ZNF507: variants seen among roughly 807,000 people sequenced by gnomAD.
ZNF507 encodes the protein zinc finger protein 507.
A neutral mutation model predicts 80.0 loss-of-function variants in ZNF507; 29 were observed. That is an observed-to-expected ratio of 0.36 (90% CI 0.27 to 0.49). The LOEUF (loss-of-function observed/expected upper bound fraction) is 0.49. ZNF507 is among the 20% of genes least tolerant of loss of function. The probability of loss-of-function intolerance (pLI) is 0.98; values close to 1 mark genes in which losing one functional copy is unlikely to be tolerated. For missense variants in ZNF507, 1,081 were observed against 1,152.2 expected, an observed-to-expected ratio of 0.94 and a Z score of 0.90; for synonymous variants, 462 against 422.5, an observed-to-expected ratio of 1.09 and a Z score of -1.15.
chr19:32,356,561 T>C (rs942505624), intron 3 of ZNF507, 55 bp from the exon 4 acceptor site: 2 of 1,294,426 alleles, frequency 1.5e-6, no homozygotes, highest in Non-Finnish European at 2.2e-6. Context: ...TACAGCCTCC[T>C]AAGAGTTGGA....
rs890324969 is a variant in ZNF507 at position 32,386,531 on chromosome 19, G to A, written c.*3448G>A. 2 of 152,476 alleles carry A rather than the reference G, an allele frequency of 1.3e-5. No homozygotes were observed. The highest frequency in any genetic ancestry group is 4.8e-5 in the African/African-American group (2 of 41,396). 9.4% of individuals were successfully genotyped at this position (152,476 alleles called of 1,614,324 possible). ...GTAACACTATGGCATTGCTTCTATA[G>A]CCAAAGTATAAAAATTTCTGGAATA... is the stretch of plus-strand genomic sequence containing the variant. On this transcript the variant is annotated 3_prime_UTR_variant, in exon 7 of 7. Coordinates refer to ENST00000355898, the MANE Select transcript of ZNF507 (RefSeq NM_001136156.2).
At chr19:32,350,522 C>T (rs945288217) in intron 2 of ZNF507, among the ~76,000 whole-genome samples, 2 of 152,164 alleles carry the variant, frequency 1.3e-5, no homozygotes, top group Non-Finnish European at 2.9e-5. Context: ...AAGATGAACT[C>T]CTCCTTCTCT....
chr19:32,360,830 G>C (rs1484619829), intron 5 of ZNF507, among the ~76,000 whole-genome samples: 1 of 152,078 alleles, frequency 6.6e-6, no homozygotes, highest in Non-Finnish European at 1.5e-5. Flanking sequence ...GGAGTGCAGT[G>C]GTATGATCAC....
chr19:32,373,528 G>C (rs73565332), intron 5 of ZNF507, among the ~76,000 whole-genome samples: 4,914 of 152,280 alleles, frequency 0.032, 261 homozygotes, highest in African/African-American at 0.11. Flanking sequence ...CCTTTGGCAA[G>C]TGGTCAGTTG....
chr19:32,366,614 A>T (rs1489886274), intron 5 of ZNF507, among the ~76,000 whole-genome samples: 1 of 152,224 alleles, frequency 6.6e-6, no homozygotes, highest in Non-Finnish European at 1.5e-5. Context: ...CTGTGAATAG[A>T]CATTTGAGTT....
rs1568304459 is a variant in ZNF507 at position 32,356,779 on chromosome 19, C to T, written c.2245+46C>T. The T allele has an allele frequency of 2.8e-6, 4 of 1,432,396 alleles. No individual in the cohort carries two copies. In the Admixed American group the frequency reaches 6.7e-5, roughly 24 times the overall value. The allele number at this position is 1,432,396 out of a possible 1,614,324, so 88.7% of individuals were successfully genotyped here. ...GCAGGCTGCAGTGACTTGCACATGACATAAAAGTGCCCTTAGTTGTCATGG... is the reference window on the plus strand; with the variant it reads ...GCAGGCTGCAGTGACTTGCACATGATATAAAAGTGCCCTTAGTTGTCATGG... On this transcript the variant is annotated intron_variant, in intron 4 of 6. Coordinates refer to ENST00000355898, the MANE Select transcript of ZNF507 (RefSeq NM_001136156.2).
chr19:32,370,694 T>G (rs1352712883), intron 5 of ZNF507, among the ~76,000 whole-genome samples: 1 of 152,224 alleles, frequency 6.6e-6, no homozygotes, highest in East Asian at 1.9e-4. Context: ...ACTCTTTCAT[T>G]TTGTTGATTG....
At chr19:32,374,020 A>C (rs954732076) in intron 5 of ZNF507, among the ~76,000 whole-genome samples, 1 of 152,262 alleles carries the variant, frequency 6.6e-6, no homozygotes, top group Admixed American at 6.5e-5. Flanking sequence ...AAGAGCTGCC[A>C]GTGAAGTTTG....
intron 5 of ZNF507, among the ~76,000 whole-genome samples, chr19:32,368,168 A>G (rs1416451016): frequency 1.3e-5 from 2 of 152,200 alleles, no homozygotes; most frequent in African/African-American, 4.8e-5. Flanking sequence ...ACACCAAATC[A>G]GGGTGTGAAA....
At chr19:32,379,426 A>G (rs796452472) in intron 5 of ZNF507, among the ~76,000 whole-genome samples, 22 of 152,276 alleles carry the variant, frequency 1.4e-4, no homozygotes, top group African/African-American at 5.1e-4. Flanking sequence ...TAGGGGAACA[A>G]TTTTTTTAAA....
chr19:32,363,665 A>G (rs1453124339), intron 5 of ZNF507, among the ~76,000 whole-genome samples: 2 of 152,226 alleles, frequency 1.3e-5, no homozygotes, highest in Non-Finnish European at 2.9e-5. Context: ...AGCACATAAT[A>G]AACAGCCAGT....
intron 2 of ZNF507, among the ~76,000 whole-genome samples, chr19:32,351,533 CGG>C (rs368340292): frequency 5.9e-5 from 1 of 16,962 alleles, no homozygotes; most frequent in East Asian, 4.3e-3. Flanking sequence ...GGCGTGGGGG[CGG>C]GCGGGGCCTG....
chr19:32,373,132 C>G (rs375959268), intron 5 of ZNF507, among the ~76,000 whole-genome samples: 1 of 152,218 alleles, frequency 6.6e-6, no homozygotes, highest in African/African-American at 2.4e-5. Context: ...CACAAGGCCT[C>G]TGCCCTCATG....
intron 5 of ZNF507, among the ~76,000 whole-genome samples, chr19:32,370,133 G>A (rs376246026): frequency 1.3e-5 from 2 of 152,214 alleles, no homozygotes; most frequent in East Asian, 1.9e-4. Context: ...TGCACGTCAC[G>A]TTTTCTTTAT....
intron 2 of ZNF507, among the ~76,000 whole-genome samples, chr19:32,352,383 C>T (rs2145315375): frequency 6.6e-6 from 1 of 152,102 alleles, no homozygotes; most frequent in East Asian, 1.9e-4. Flanking sequence ...TTGTATCAGT[C>T]ATTGGCTTTA....
intron 5 of ZNF507, among the ~76,000 whole-genome samples, chr19:32,374,062 A>G (rs1568308676): frequency 1.3e-5 from 2 of 152,182 alleles, no homozygotes; most frequent in Non-Finnish European, 2.9e-5. Context: ...TCGTATTCCC[A>G]TAGTAGTTAA....
chr19:32,372,072 A>G (rs1287150060), intron 5 of ZNF507, among the ~76,000 whole-genome samples: 2 of 152,234 alleles, frequency 1.3e-5, no homozygotes, highest in Non-Finnish European at 2.9e-5. Flanking sequence ...GATCAAAAAC[A>G]TTCTAGCTCT....
At chr19:32,348,870 A>T (rs1484052494) in intron 2 of ZNF507, among the ~76,000 whole-genome samples, 1 of 152,182 alleles carries the variant, frequency 6.6e-6, no homozygotes. Flanking sequence ...AAATATAGTC[A>T]TGTCATGGCT....
chr19:32,357,013 A>G, intron 4 of ZNF507: 1 of 282,408 alleles, frequency 3.5e-6, no homozygotes, highest in Non-Finnish European at 6.7e-6. Context: ...CAAGCCAGAA[A>G]AGCAAGCCAG....
Sources: gnomAD v4.1 joint callset for allele counts (sites outside exome capture counted in the v4.1 genomes callset) on GRCh38, gnomAD v4.1.1 for gene constraint, MANE v1.5 for transcripts, NCBI Gene and HGNC (gene_info 2026-07-23, HGNC 2026-07-21) for gene names.